Variants in MPRIP observed in about 807,000 individuals in gnomAD.
MPRIP encodes myosin phosphatase Rho-interacting protein.
In MPRIP, 59 loss-of-function variants were observed where a neutral mutation model predicts 234.9. The ratio of observed to expected loss-of-function variants is 0.25; its 90% CI spans 0.20 to 0.31. The LOEUF (loss-of-function observed/expected upper bound fraction) is 0.31, where lower values mean the gene tolerates loss of function less well. MPRIP is among the 10% of genes least tolerant of loss of function. The pLI is 1.00. For missense variants in MPRIP, 2,436 were observed against 3,071.0 expected, an observed-to-expected ratio of 0.79 and a Z score of 4.89; for synonymous variants, 1,144 against 1,263.9, an observed-to-expected ratio of 0.91 and a Z score of 2.01.
intron 5 of MPRIP, 102 bp from the exon 6 acceptor site, chr17:17,136,117 A>T: frequency 8.4e-7 from 1 of 1,192,494 alleles, no homozygotes; most frequent in Admixed American, 1.8e-5. Context: ...GACATTGTGT[A>T]GCTGGCCCGG....
intron 3 of MPRIP, among the ~76,000 whole-genome samples, chr17:17,104,564 A>T (rs1246376374): frequency 6.6e-6 from 1 of 152,010 alleles, no homozygotes; most frequent in Non-Finnish European, 1.5e-5. Flanking sequence ...TGAAGGCAGA[A>T]CCGTTTCTCC....
chr17:17,172,871 C>T (rs2046175005), intron 18 of MPRIP, 56 bp downstream of exon 18: 7 of 1,468,006 alleles, frequency 4.8e-6, no homozygotes, highest in Non-Finnish European at 5.7e-6. Flanking sequence ...GGGTGCTGAC[C>T]AGGCCACAGC....
chr17:17,113,756 G>A (rs149113710), intron 3 of MPRIP, among the ~76,000 whole-genome samples: 90 of 152,104 alleles, frequency 5.9e-4, no homozygotes, highest in African/African-American at 1.6e-3. Context: ...GCTGCACCAC[G>A]GTTCCAGTTA....
intron 6 of MPRIP, 120 bp from the exon 7 acceptor site, chr17:17,137,796 A>T: frequency 2.6e-6 from 2 of 760,958 alleles, no homozygotes; most frequent in Non-Finnish European, 2.0e-6. Context: ...GCTGGATGTT[A>T]GAGACGGGAG....
chr17:17,074,826 T>C (rs1470510182), intron 1 of MPRIP, among the ~76,000 whole-genome samples: 5 of 152,220 alleles, frequency 3.3e-5, no homozygotes, highest in Admixed American at 2.6e-4. Flanking sequence ...TCATTCCTTT[T>C]TCTGGCTGAA....
intron 3 of MPRIP, among the ~76,000 whole-genome samples, chr17:17,113,831 G>A (rs1161314018): frequency 1.3e-5 from 2 of 149,610 alleles, no homozygotes; most frequent in Non-Finnish European, 3.0e-5. Context: ...TAGTGAATGT[G>A]AACTAGCATC....
At chr17:17,061,237 A>G (rs1597730902) in intron 1 of MPRIP, among the ~76,000 whole-genome samples, 1 of 152,316 alleles carries the variant, frequency 6.6e-6, no homozygotes, top group East Asian at 1.9e-4. Context: ...CTCACCCCTG[A>G]CTTTTACTGA....
chr17:17,069,691 C>T (rs917433914), intron 1 of MPRIP, among the ~76,000 whole-genome samples: 2 of 152,062 alleles, frequency 1.3e-5, no homozygotes, highest in Non-Finnish European at 2.9e-5. Context: ...CCTGTCTGTT[C>T]ACTCCTTTAC....
chr17:17,148,799 A>G (rs1387480423), intron 11 of MPRIP, among the ~76,000 whole-genome samples: 1 of 152,222 alleles, frequency 6.6e-6, no homozygotes, highest in East Asian at 1.9e-4. Flanking sequence ...ATTTTCATGA[A>G]AATGAACCAA....
chr17:17,171,170 A>G (rs145146517), intron 16 of MPRIP: 1,647 of 153,012 alleles, frequency 0.011, 23 homozygotes, highest in African/African-American at 0.037. Flanking sequence ...AGTGGACTCT[A>G]TGTACCCCCA....
At position 17,087,917 on chromosome 17, in the gene MPRIP, TGC is replaced by T. The variant is rs376114101; in HGVS notation, c.267+9844_267+9845del. On this transcript the variant is annotated intron_variant, in intron 3 of 23. Transcript: ENST00000651222. Reference sequence around the variant, plus strand: ...TTTCTGTCTCATCAGGACTGTCCCGTGCGCTTACCTTCCTGTTACATAAGTGG... The same window carrying T: ...TTTCTGTCTCATCAGGACTGTCCCGTGCTTACCTTCCTGTTACATAAGTGG... Among the ~76,000 whole-genome samples, 56 of 152,320 alleles carry T rather than the reference TGC, an allele frequency of 3.7e-4. No homozygotes were observed. In the South Asian group the frequency reaches 0.011, roughly 30 times the overall value.
At chr17:17,093,586 A>G (rs145633825) in intron 3 of MPRIP, among the ~76,000 whole-genome samples, 32 of 152,328 alleles carry the variant, frequency 2.1e-4, no homozygotes, top group East Asian at 9.6e-4. Context: ...TGAAGGTTGA[A>G]AATGGGCCAG....
At position 17,126,934 on chromosome 17, in the gene MPRIP, A is replaced by G. The variant is rs1033320763; in HGVS notation, c.419+81A>G. 3.3e-6 allele frequency: 5 copies of G among 1,524,886 alleles called. No individual in the cohort carries two copies. The African/African-American group carries it at 4.1e-5, about 13-fold the overall frequency. 94.5% of individuals were successfully genotyped at this position (1,524,886 alleles called of 1,614,324 possible). ...CAGATGGGCCGCCTGCCCCTGTGGCAGTGTCGATGTTGTCTACTTCCCCGT... is the reference window on the plus strand; with the variant it reads ...CAGATGGGCCGCCTGCCCCTGTGGCGGTGTCGATGTTGTCTACTTCCCCGT... On this transcript the variant is annotated intron_variant, in intron 4 of 23. Coordinates refer to ENST00000651222, the MANE Select transcript of MPRIP (RefSeq NM_001364716.4).
At chr17:17,062,439 A>T (rs1203007619) in intron 1 of MPRIP, among the ~76,000 whole-genome samples, 2 of 152,198 alleles carry the variant, frequency 1.3e-5, no homozygotes, top group Admixed American at 1.3e-4. Context: ...ATCAACTCTC[A>T]ATCTTTGTCC....
At chr17:17,096,768 A>G (rs894063814) in intron 3 of MPRIP, 1 of 471,022 alleles carries the variant, frequency 2.1e-6, no homozygotes, top group Non-Finnish European at 4.4e-6. Flanking sequence ...CTCACTCCAG[A>G]TGTCTTCCCA....
intron 4 of MPRIP, among the ~76,000 whole-genome samples, chr17:17,130,732 G>C (rs2090580960): frequency 6.6e-6 from 1 of 152,030 alleles, no homozygotes. Context: ...GGCTGGAGCT[G>C]GGGCTTCAGA....
rs2046609695 is a variant in MPRIP at position 17,192,430 on chromosome 17, G to GA, written c.*7536_*7537insA. ...AGCTGAGCTGCTGCTTTTTTTTTGGGGGGGGGGGGGGGAGGGGCGTCTTGA... is the reference window on the plus strand; with the variant it reads ...AGCTGAGCTGCTGCTTTTTTTTTGGGAGGGGGGGGGGGGAGGGGCGTCTTGA... On this transcript the variant is annotated 3_prime_UTR_variant, in exon 24 of 24. Coordinates refer to ENST00000651222, the MANE Select transcript of MPRIP (RefSeq NM_001364716.4). 8.6e-6 allele frequency: 1 copy of GA among 115,988 alleles called. No homozygotes were observed. The highest frequency in any genetic ancestry group is 1.7e-5 in the Non-Finnish European group (1 of 58,682). The allele number at this position is 115,988 out of a possible 1,614,324, so 7.2% of individuals were successfully genotyped here. A position where few individuals can be genotyped will look rare whatever the true frequency, so the allele number is the denominator to read the frequency against.
intron 12 of MPRIP, among the ~76,000 whole-genome samples, chr17:17,153,126 G>C (rs994376057): frequency 6.6e-6 from 1 of 152,216 alleles, no homozygotes; most frequent in Admixed American, 6.5e-5. Context: ...AGCTCACATG[G>C]ATATGAGAAC....
Position 17,187,555 on chromosome 17 carries a change from C to A in MPRIP, c.*2661C>A, listed in dbSNP as rs1176609668. The stretch of plus-strand genomic sequence containing the variant: ...AAGGATGACGATGTTCTTCATGTTG[C>A]ACCTGGACATGCCCCAGGAACAGAG... On this transcript the variant is annotated 3_prime_UTR_variant, in exon 24 of 24. Coordinates refer to ENST00000651222, the MANE Select transcript of MPRIP (RefSeq NM_001364716.4). 6.6e-6 allele frequency: 1 copy of A among 152,274 alleles called. No individual in the cohort carries two copies. Among genetic ancestry groups the A allele is most frequent in the Non-Finnish European group, 1.5e-5 (1 of 68,076 alleles). 9.4% of individuals were successfully genotyped at this position (152,274 alleles called of 1,614,324 possible).
Sources: allele counts gnomAD v4.1 joint callset (sites outside exome capture counted in the v4.1 genomes callset), GRCh38; gene constraint gnomAD v4.1.1; transcripts MANE v1.5; gene names NCBI Gene and HGNC (gene_info 2026-07-23, HGNC 2026-07-21).